Variants in KLRG1 observed in about 807,000 individuals in gnomAD.
The protein encoded by KLRG1 is killer cell lectin-like receptor subfamily G member 1.
KLRG1 carries 16 observed loss-of-function variants against 21.8 expected under a neutral mutation model. The observed-to-expected ratio is 0.73, with a 90% CI of 0.50 to 1.11. The LOEUF is 1.11. KLRG1 is among the 50% of genes most tolerant of loss of function. KLRG1 has a pLI of 0.00. For synonymous variants in KLRG1, 69 were observed against 75.9 expected, an observed-to-expected ratio of 0.91 and a Z score of 0.47; for missense variants, 173 against 218.3, an observed-to-expected ratio of 0.79 and a Z score of 1.31.
At chr12:9,016,277 AAG>A in the KLRG1 span, among the ~76,000 whole-genome samples, 37 of 152,294 alleles carry the variant, frequency 2.4e-4, no homozygotes, top group African/African-American at 8.2e-4. Context: ...TAAGAAAAAA[AAG>A]AGAGACGATC....
chr12:9,097,356 T>TAG, the KLRG1 span, among the ~76,000 whole-genome samples: 2 of 152,146 alleles, frequency 1.3e-5, no homozygotes, highest in African/African-American at 4.8e-5. Flanking sequence ...TAGAAAAAGC[T>TAG]TCAGTAAGAG....
the KLRG1 span, chr12:9,159,994 T>A: frequency 1.2e-6 from 2 of 1,614,030 alleles, no homozygotes; most frequent in South Asian, 1.1e-5. Flanking sequence ...AGGAGCCATC[T>A]TGGTGTTTGT....
chr12:9,030,886 G>T, the KLRG1 span, among the ~76,000 whole-genome samples: 4 of 152,212 alleles, frequency 2.6e-5, no homozygotes, highest in African/African-American at 9.6e-5. Context: ...GCAAAGAGGA[G>T]TGGGGATGTT....
At chr12:9,011,027 A>T (rs1243332406), downstream of KLRG1, among the ~76,000 whole-genome samples, 1 of 152,188 alleles carries the variant, frequency 6.6e-6, no homozygotes, top group Non-Finnish European at 1.5e-5. Flanking sequence ...TCAATTAAGG[A>T]TGTAATGATA....
chr12:8,992,384 G>T, intron 2 of KLRG1, 74 bp downstream of exon 2: 2 of 1,079,276 alleles, frequency 1.9e-6, no homozygotes, highest in Non-Finnish European at 1.4e-6. Flanking sequence ...CAGAAGCTTT[G>T]AAAAATCAAA....
the KLRG1 span, chr12:9,192,467 G>A: frequency 6.5e-7 from 1 of 1,549,488 alleles, no homozygotes; most frequent in Admixed American, 1.7e-5. Flanking sequence ...GACCACTTTT[G>A]TCCTACTGAT....
chr12:9,112,306 T>G, the KLRG1 span: 1 of 1,602,828 alleles, frequency 6.2e-7, no homozygotes, highest in Non-Finnish European at 8.5e-7. Context: ...ATAGGAACTT[T>G]GCCTGGGGAA....
At chr12:9,021,244 G>C in the KLRG1 span, among the ~76,000 whole-genome samples, 1 of 152,082 alleles carries the variant, frequency 6.6e-6, no homozygotes, top group Non-Finnish European at 1.5e-5. Flanking sequence ...CAATCGGTAA[G>C]TTAATGTAAA....
chr12:9,184,057 GA>G, the KLRG1 span, among the ~76,000 whole-genome samples: 3 of 152,080 alleles, frequency 2.0e-5, no homozygotes, highest in South Asian at 2.1e-4. Flanking sequence ...CATAAAACCA[GA>G]AAAAAAATTA....
At chr12:9,071,610 T>C in the KLRG1 span, among the ~76,000 whole-genome samples, 2 of 152,142 alleles carry the variant, frequency 1.3e-5, no homozygotes, top group African/African-American at 4.8e-5. Context: ...AACCCTCAAG[T>C]AGGCTCTGGT....
chr12:9,173,996 A>T, the KLRG1 span, among the ~76,000 whole-genome samples: 1 of 152,202 alleles, frequency 6.6e-6, no homozygotes, highest in Non-Finnish European at 1.5e-5. Flanking sequence ...CATCATCTTG[A>T]TACCAAAACC....
intron 1 of KLRG1, among the ~76,000 whole-genome samples, chr12:8,979,808 C>A (rs1245100528): frequency 1.3e-5 from 2 of 151,908 alleles, no homozygotes; most frequent in Non-Finnish European, 2.9e-5. Context: ...GTTGCTGAAT[C>A]TTTCTTCTTT....
At chr12:8,966,889 T>C (rs1327641371) in intron 1 of KLRG1, among the ~76,000 whole-genome samples, 2 of 150,062 alleles carry the variant, frequency 1.3e-5, no homozygotes, top group Non-Finnish European at 3.0e-5. Flanking sequence ...TGCACACTTA[T>C]GTTTATTGCG....
At chr12:9,046,753 T>C in the KLRG1 span, among the ~76,000 whole-genome samples, 3 of 152,242 alleles carry the variant, frequency 2.0e-5, no homozygotes, top group Non-Finnish European at 2.9e-5. Context: ...AAGCTCTTCA[T>C]AGAAAAGGAA....
chr12:8,968,738 G>A (rs1023389669), intron 1 of KLRG1, among the ~76,000 whole-genome samples: 18 of 152,228 alleles, frequency 1.2e-4, no homozygotes, highest in African/African-American at 4.1e-4. Context: ...CATTTACAAG[G>A]ACTGAAATCA....
chr12:9,000,332 G>A (rs1342458858), intron 3 of KLRG1, among the ~76,000 whole-genome samples: 1 of 152,180 alleles, frequency 6.6e-6, no homozygotes, highest in Admixed American at 6.5e-5. Context: ...TAAGCAGCTA[G>A]TGTCAACTGC....
chr12:9,195,784 G>A, the KLRG1 span, among the ~76,000 whole-genome samples: 1 of 151,010 alleles, frequency 6.6e-6, no homozygotes, highest in African/African-American at 2.4e-5. Context: ...TATAAAACAG[G>A]TAAAATTAAT....
At chr12:9,139,189 C>G in the KLRG1 span, among the ~76,000 whole-genome samples, 4 of 152,148 alleles carry the variant, frequency 2.6e-5, no homozygotes, top group South Asian at 8.3e-4. Context: ...CACTCAATGA[C>G]TTTTCAAGAG....
chr12:9,134,859 G>T, the KLRG1 span, among the ~76,000 whole-genome samples: 2 of 152,150 alleles, frequency 1.3e-5, no homozygotes, highest in Non-Finnish European at 2.9e-5. Context: ...TAACCAAACC[G>T]CCATCGCTCC....
Sources: allele counts gnomAD v4.1 joint callset (sites outside exome capture counted in the v4.1 genomes callset), GRCh38; gene constraint gnomAD v4.1.1; transcripts MANE v1.5; gene names NCBI Gene and HGNC (gene_info 2026-07-23, HGNC 2026-07-21).